The following MTRFR variants were observed in gnomAD, a reference collection of about 807,000 sequenced individuals.
MTRFR encodes the protein probable peptide chain release factor C12orf65, mitochondrial.
Under a neutral mutation model 11.9 loss-of-function variants are expected in MTRFR, and 10 were observed. That is an observed-to-expected ratio of 0.84 (90% CI 0.52 to 1.42). The LOEUF is 1.42. Among genes scored for constraint, MTRFR ranks in the 40% most tolerant of loss-of-function variants. The probability of loss-of-function intolerance (pLI) is 0.00; values close to 1 mark genes in which losing one functional copy is unlikely to be tolerated. For synonymous variants in MTRFR, 77 were observed against 79.1 expected (o/e 0.97, Z 0.14); for missense variants, 196 against 197.9 (o/e 0.99, Z 0.06).
rs80199761 is a variant in MTRFR, at chr12:123,257,916, A to T, written c.*885A>T. ...GAGATTGTATGTTTTGTAATAATAA[A>T]ATTTTTTTTGTAATTAGTAAAGTCA... On this transcript the variant is annotated 3_prime_UTR_variant, in exon 3 of 3. Transcript: ENST00000253233. The T allele has an allele frequency of 7.2e-5, 11 of 152,334 alleles. No homozygotes were observed. In the East Asian group the frequency reaches 1.9e-3, roughly 27 times the overall value. The allele number at this position is 152,334 out of a possible 1,614,324, so 9.4% of individuals were successfully genotyped here. A position where few individuals can be genotyped will look rare whatever the true frequency, so the allele number is the denominator to read the frequency against.
intron 1 of MTRFR, chr12:123,252,205 AG>A (rs1286646640): frequency 6.6e-6 from 1 of 152,174 alleles, no homozygotes; most frequent in Non-Finnish European, 1.5e-5. Context: ...AGGCTGAAGC[AG>A]GTGGATTACT....
intron 1 of MTRFR, among the ~76,000 whole-genome samples, chr12:123,235,999 G>A (rs930394413): frequency 6.6e-6 from 1 of 152,068 alleles, no homozygotes; most frequent in Non-Finnish European, 1.5e-5. Context: ...GGGAGGCAAA[G>A]GTTGTAGTGA....
chr12:123,255,946 G>A (rs1398605172), intron 2 of MTRFR, among the ~76,000 whole-genome samples: 3 of 152,010 alleles, frequency 2.0e-5, no homozygotes, highest in Non-Finnish European at 2.9e-5. Flanking sequence ...TACATTTTTG[G>A]TACAGATGGG....
rs755166271 is a variant in MTRFR at position 123,253,739 on chromosome 12, G to A, written c.65G>A (p.Gly22Glu). Reference sequence around the variant, plus strand: ...ACCCGAATATGCCCGGCGCCATGGGGACTCCGGCTTTGGGAGAAGCTGACG... The same window carrying A: ...ACCCGAATATGCCCGGCGCCATGGGAACTCCGGCTTTGGGAGAAGCTGACG... Reference protein sequence around the residue: ...PLTRICPAPWGLRLWEKLTLL... With the variant: ...PLTRICPAPWELRLWEKLTLL... The change falls in exon 2 of 3, where the codon GGA becomes GAA. Residue 22 changes from glycine to glutamate, a missense_variant. By Grantham distance (98) the Gly-to-Glu change is moderately conservative (BLOSUM62 -2). Coordinates refer to ENST00000253233, the MANE Select transcript of MTRFR (RefSeq NM_152269.5). 3 of 1,614,040 alleles carry A rather than the reference G, an allele frequency of 1.9e-6. No individual in the cohort carries two copies. The highest frequency in any genetic ancestry group is 2.7e-5 in the African/African-American group (2 of 74,900).
chr12:123,234,478 C>T (rs1050508993), intron 1 of MTRFR, among the ~76,000 whole-genome samples: 9 of 152,178 alleles, frequency 5.9e-5, no homozygotes, highest in Admixed American at 2.6e-4. Context: ...TCACTTTAAC[C>T]TCTGCCTCCC....
chr12:123,253,820 A>ACCCTGCACTGCTT lies in MTRFR; in HGVS notation c.147_159dup (p.Ser54ProfsTer8), dbSNP rs1483467227. The ACCCTGCACTGCTT allele has an allele frequency of 1.1e-5, 17 of 1,614,180 alleles. No individual in the cohort carries two copies. The highest frequency in any genetic ancestry group is 1.4e-5 in the Non-Finnish European group (17 of 1,180,040). ...GTCCAGATGGCAGGCAAGAAGGACT[A>ACCCTGCACTGCTT]CCCTGCACTGCTTTCCTTGGATGAG... On this transcript the variant is annotated frameshift_variant, in exon 2 of 3. Coordinates refer to ENST00000253233, the MANE Select transcript of MTRFR (RefSeq NM_152269.5). LOFTEE classifies it high-confidence loss of function.
At chr12:123,247,338 T>G (rs2048056753) in intron 1 of MTRFR, among the ~76,000 whole-genome samples, 1 of 152,198 alleles carries the variant, frequency 6.6e-6, no homozygotes. Flanking sequence ...AGCTCCAGTG[T>G]TAGGTTCATA....
At chr12:123,251,807 A>C (rs1350804279) in intron 1 of MTRFR, among the ~76,000 whole-genome samples, 1 of 152,188 alleles carries the variant, frequency 6.6e-6, no homozygotes, top group Non-Finnish European at 1.5e-5. Flanking sequence ...AAGCCTCTGC[A>C]TGCTGCTCTG....
chr12:123,256,953 GA>G lies in MTRFR; in HGVS notation c.430del (p.Arg144GlufsTer32), dbSNP rs1565999401. 2 of 1,613,032 alleles carry G rather than the reference GA, an allele frequency of 1.2e-6. No individual in the cohort carries two copies. Among genetic ancestry groups the G allele is most frequent in the Non-Finnish European group, 1.7e-6 (2 of 1,179,748 alleles). ...REAAKKKQERKKRAKETLEKK... is the reference protein window; with the variant it reads ...REAAKKKQERXKRAKETLEKK... ...AAGCGGCGAAGAAAAAACAAGAAAG[GA>G]AAAAAAGAGCAAAGGAAACCCTGGA... On this transcript the variant is annotated frameshift_variant, in exon 3 of 3. Transcript: ENST00000253233. LOFTEE classifies it high-confidence loss of function.
intron 1 of MTRFR, among the ~76,000 whole-genome samples, chr12:123,247,057 C>T (rs763937537): frequency 4.6e-5 from 7 of 152,038 alleles, no homozygotes; most frequent in Non-Finnish European, 8.8e-5. Flanking sequence ...TTTATTGAGG[C>T]TCATTTTATG....
chr12:123,246,709 A>ATTTTTTT lies in MTRFR; in HGVS notation c.-28-6905_-28-6899dup, dbSNP rs1157677577. On this transcript the variant is annotated intron_variant, in intron 1 of 2. Transcript: ENST00000253233. ...TGAGAGAGTGCTTGATATAATTTCA[A>ATTTTTTT]TTTTTTTTTTTTTTTTTTTTTTTTT... Among the ~76,000 whole-genome samples, 16 of 53,516 alleles carry ATTTTTTT rather than the reference A, an allele frequency of 3.0e-4. 5 individuals are homozygous for ATTTTTTT. The highest frequency in any genetic ancestry group is 1.5e-3 in the African/African-American group (16 of 10,668). The allele number at this position is 53,516 out of a possible 152,430, so 35.1% of individuals were successfully genotyped here.
chr12:123,248,038 C>T (rs950144325), intron 1 of MTRFR, among the ~76,000 whole-genome samples: 2 of 151,870 alleles, frequency 1.3e-5, no homozygotes, highest in African/African-American at 2.4e-5. Flanking sequence ...TGCTTTTTAA[C>T]TTGTATTTTT....
intron 1 of MTRFR, among the ~76,000 whole-genome samples, chr12:123,234,404 G>T (rs1287151057): frequency 6.6e-6 from 1 of 151,462 alleles, no homozygotes; most frequent in Non-Finnish European, 1.5e-5. Context: ...TGTGGGGGAG[G>T]GGGGTAGGGG....
intron 1 of MTRFR, among the ~76,000 whole-genome samples, chr12:123,234,175 C>CA (rs2047789319): frequency 6.6e-6 from 1 of 152,188 alleles, no homozygotes; most frequent in South Asian, 2.1e-4. Context: ...GTGCAGGCCA[C>CA]ATTCTTCAGC....
intron 1 of MTRFR, among the ~76,000 whole-genome samples, chr12:123,242,201 T>C (rs879215152): frequency 1.3e-5 from 2 of 152,168 alleles, no homozygotes; most frequent in African/African-American, 2.4e-5. Flanking sequence ...GCTTTCACCT[T>C]AACTGCGATC....
At chr12:123,248,834 AGCTGATTGGTCTGTTTTGACAGGGT>A (rs1205578620) in intron 1 of MTRFR, 2 of 152,244 alleles carry the variant, frequency 1.3e-5, no homozygotes, top group Non-Finnish European at 2.9e-5. Context: ...TTTTACAGAC[AGCTGATTGGTCTGTTTTGACAGGGT>A]GCTGATTGGT....
chr12:123,249,282 C>T (rs575350752), intron 1 of MTRFR: 2 of 152,310 alleles, frequency 1.3e-5, no homozygotes, highest in Non-Finnish European at 2.9e-5. Context: ...ATGCTGGGGC[C>T]GTGGGTGGAG....
intron 1 of MTRFR, among the ~76,000 whole-genome samples, chr12:123,237,079 C>T (rs994242294): frequency 2.7e-5 from 4 of 150,874 alleles, no homozygotes; most frequent in South Asian, 4.2e-4. Flanking sequence ...AGTGAGACTC[C>T]GGCTAAAAAA....
At chr12:123,254,329 C>T (rs1568428) in intron 2 of MTRFR, 129,652 of 228,986 alleles carry the variant, frequency 0.57, 42,351 homozygotes, top group East Asian at 0.71. Context: ...CTTTCAAATC[C>T]GTTCCCACTG....
Sources: allele counts gnomAD v4.1 joint callset (sites outside exome capture counted in the v4.1 genomes callset), GRCh38; gene constraint gnomAD v4.1.1; transcripts MANE v1.5; gene names NCBI Gene and HGNC (gene_info 2026-07-23, HGNC 2026-07-21).